Variants in CADM2 observed in about 807,000 individuals in gnomAD.
CADM2 encodes the protein immunoglobulin superfamily member 4D.
Under a neutral mutation model 49.8 loss-of-function variants are expected in CADM2, and 12 were observed. That is an observed-to-expected ratio of 0.24 (90% CI 0.15 to 0.39). CADM2 has a LOEUF of 0.39. Ranked by LOEUF, CADM2 falls within the 10% of genes least tolerant of loss-of-function variation. CADM2 has a pLI of 1.00. For missense variants in CADM2, 378 were observed against 492.3 expected, an observed-to-expected ratio of 0.77 and a Z score of 2.20; for synonymous variants, 214 against 175.4, an observed-to-expected ratio of 1.22 and a Z score of -1.74.
intron 1 of CADM2, among the ~76,000 whole-genome samples, chr3:85,177,745 A>G (rs1318511469): frequency 6.6e-6 from 1 of 151,990 alleles, no homozygotes. Flanking sequence ...AAGTAAAAAG[A>G]TGATCACTTT....
At chr3:85,998,058 A>C (rs1259565205) in intron 8 of CADM2, among the ~76,000 whole-genome samples, 1 of 152,082 alleles carries the variant, frequency 6.6e-6, no homozygotes, top group Non-Finnish European at 1.5e-5. Flanking sequence ...TTAGAAGGAG[A>C]GGTGAGGGAA....
At chr3:85,409,188 C>A (rs1187429511) in intron 1 of CADM2, among the ~76,000 whole-genome samples, 1 of 152,120 alleles carries the variant, frequency 6.6e-6, no homozygotes, top group Admixed American at 6.6e-5. Context: ...AAACCTATCT[C>A]TTCTTTCCTT....
At chr3:85,871,223 T>C (rs1013349527) in intron 3 of CADM2, among the ~76,000 whole-genome samples, 14 of 152,092 alleles carry the variant, frequency 9.2e-5, no homozygotes, top group African/African-American at 3.4e-4. Flanking sequence ...GGGTAAAACA[T>C]GAACAGACAG....
chr3:85,105,644 C>T lies in CADM2; in HGVS notation c.61+145976C>T, dbSNP rs544275261. On this transcript the variant is annotated intron_variant, in intron 1 of 9. Coordinates refer to ENST00000383699, the MANE Select transcript of CADM2 (RefSeq NM_001167675.2). The stretch of plus-strand genomic sequence containing the variant: ...ATGCTGCTATAAAGACACATGCACA[C>T]TTATGTTTATTGTGACACTATTCAC... Among the ~76,000 whole-genome samples, 576 of 152,270 alleles carry T rather than the reference C, an allele frequency of 3.8e-3. 2 individuals are homozygous for T. The highest frequency in any genetic ancestry group is 0.013 in the African/African-American group (560 of 41,552).
intron 1 of CADM2, among the ~76,000 whole-genome samples, chr3:85,411,263 G>T (rs1458817580): frequency 1.3e-5 from 2 of 152,226 alleles, no homozygotes; most frequent in East Asian, 3.9e-4. Flanking sequence ...GCTAACACAG[G>T]ACTAGAGAAA....
intron 8 of CADM2, among the ~76,000 whole-genome samples, chr3:86,048,969 C>G (rs557575043): frequency 1.3e-5 from 2 of 152,224 alleles, no homozygotes; most frequent in South Asian, 4.2e-4. Flanking sequence ...GTTTTTATGG[C>G]AAGTCTTTTC....
chr3:85,089,891 A>T (rs988511259), intron 1 of CADM2, among the ~76,000 whole-genome samples: 6 of 152,296 alleles, frequency 3.9e-5, no homozygotes, highest in Non-Finnish European at 7.4e-5. Flanking sequence ...TGCCAAACAA[A>T]TTGAATTTCT....
At chr3:85,444,896 C>T (rs1307299487) in intron 1 of CADM2, among the ~76,000 whole-genome samples, 2 of 152,040 alleles carry the variant, frequency 1.3e-5, no homozygotes, top group Non-Finnish European at 2.9e-5. Flanking sequence ...CAGTCTAGCA[C>T]AGAAAATATT....
chr3:85,501,955 G>T (rs1198496267), intron 1 of CADM2, among the ~76,000 whole-genome samples: 2 of 151,664 alleles, frequency 1.3e-5, no homozygotes, highest in Non-Finnish European at 2.9e-5. Context: ...TCACACAATT[G>T]GCTAGAGAAA....
chr3:85,573,024 C>A (rs980992502), intron 1 of CADM2, among the ~76,000 whole-genome samples: 1 of 151,958 alleles, frequency 6.6e-6, no homozygotes, highest in Non-Finnish European at 1.5e-5. Context: ...AGATGCAGTC[C>A]ATTTTAGTTA....
intron 3 of CADM2, among the ~76,000 whole-genome samples, chr3:85,836,955 C>G (rs550631379): frequency 4.0e-5 from 6 of 151,504 alleles, no homozygotes; most frequent in African/African-American, 1.5e-4. Context: ...AGAATATGAA[C>G]TTGCCAATTA....
intron 1 of CADM2, among the ~76,000 whole-genome samples, chr3:85,356,187 C>A (rs2031841382): frequency 6.6e-6 from 1 of 151,792 alleles, no homozygotes; most frequent in African/African-American, 2.4e-5. Flanking sequence ...ATGTAGGAGA[C>A]TGAAAGAGTG....
chr3:85,289,747 A>G (rs142795348), intron 1 of CADM2, among the ~76,000 whole-genome samples: 52 of 152,354 alleles, frequency 3.4e-4, no homozygotes, highest in Admixed American at 7.8e-4. Flanking sequence ...AGAAGTGTTT[A>G]GTATATAATA....
chr3:85,356,746 T>G (rs1402848808), intron 1 of CADM2, among the ~76,000 whole-genome samples: 1 of 152,178 alleles, frequency 6.6e-6, no homozygotes, highest in East Asian at 1.9e-4. Context: ...ATTTGAATTT[T>G]TATAACTATG....
At position 85,959,120 on chromosome 3, in the gene CADM2, A is replaced by T. The variant is rs186730760; in HGVS notation, c.792-2349A>T. On this transcript the variant is annotated intron_variant, in intron 7 of 9. Coordinates refer to ENST00000383699, the MANE Select transcript of CADM2 (RefSeq NM_001167675.2). ...TATATCTGTATATCTATATCTATAT[A>T]GCTATATAGCTGTATATCTTTATCT... Among the ~76,000 whole-genome samples, 7 of 147,262 alleles carry T rather than the reference A, an allele frequency of 4.8e-5. No individual in the cohort carries two copies. The East Asian group carries it at 1.4e-3, about 30-fold the overall frequency.
At chr3:85,346,716 A>G (rs1054957943) in intron 1 of CADM2, among the ~76,000 whole-genome samples, 2 of 152,214 alleles carry the variant, frequency 1.3e-5, no homozygotes, top group East Asian at 1.9e-4. Context: ...TTAAAAATAT[A>G]CATAAAAATA....
Position 85,853,690 on chromosome 3 carries a change from C to G in CADM2, c.239-29601C>G, listed in dbSNP as rs117441297. Among the ~76,000 whole-genome samples, 43 of 150,178 alleles carry G rather than the reference C, an allele frequency of 2.9e-4. 2 individuals are homozygous for G. The East Asian group carries it at 8.2e-3, about 29-fold the overall frequency. ...TCCATGAGATGAAAAAAAAAAAATA[C>G]TTGTGTAATTGTTTAAGAGAAATCA... On this transcript the variant is annotated intron_variant, in intron 3 of 9. Coordinates refer to ENST00000383699, the MANE Select transcript of CADM2 (RefSeq NM_001167675.2).
chr3:85,977,193 A>C (rs2108657881), intron 8 of CADM2, among the ~76,000 whole-genome samples: 1 of 151,448 alleles, frequency 6.6e-6, no homozygotes, highest in Admixed American at 6.6e-5. Flanking sequence ...AAACAAAACC[A>C]AAATCCTGTG....
chr3:85,745,505 A>T (rs1008437227), intron 2 of CADM2, among the ~76,000 whole-genome samples: 19 of 152,074 alleles, frequency 1.2e-4, no homozygotes, highest in Non-Finnish European at 2.4e-4. Flanking sequence ...AGAGAGATTA[A>T]CAAGGAAGGA....
Sources: allele counts gnomAD v4.1 joint callset (sites outside exome capture counted in the v4.1 genomes callset), GRCh38; gene constraint gnomAD v4.1.1; transcripts MANE v1.5; gene names NCBI Gene and HGNC (gene_info 2026-07-23, HGNC 2026-07-21).